Variants in KCND2 observed in about 807,000 individuals in gnomAD.
KCND2 encodes the protein potassium voltage-gated channel subfamily D member 2, also known as A-type voltage-gated potassium channel KCND2.
In KCND2, 16 loss-of-function variants were observed where a neutral mutation model predicts 54.4. The ratio of observed to expected loss-of-function variants is 0.29; its 90% CI spans 0.20 to 0.45. The LOEUF is 0.45. Among genes scored for constraint, KCND2 ranks in the 20% least tolerant of loss-of-function variants. The pLI is 1.00. For missense variants in KCND2, 486 were observed against 824.2 expected (o/e 0.59, Z 5.02); for synonymous variants, 317 against 310.7 (o/e 1.02, Z -0.21).
At chr7:120,730,584 T>G (rs1222902506) in intron 1 of KCND2, among the ~76,000 whole-genome samples, 1 of 152,230 alleles carries the variant, frequency 6.6e-6, no homozygotes, top group Non-Finnish European at 1.5e-5. Flanking sequence ...TCTTAGGTTA[T>G]TATTTTTGTA....
At chr7:120,437,639 T>A (rs930877226) in intron 1 of KCND2, among the ~76,000 whole-genome samples, 2 of 152,218 alleles carry the variant, frequency 1.3e-5, no homozygotes, top group Non-Finnish European at 2.9e-5. Flanking sequence ...GGTAGTCAGA[T>A]AAAATTAATT....
chr7:120,275,814 G>A (rs73722544), intron 1 of KCND2, 67 bp downstream of exon 1: 27 of 1,514,902 alleles, frequency 1.8e-5, no homozygotes, highest in South Asian at 2.3e-5. Flanking sequence ...ACCCATCGAG[G>A]TTACATGGTA....
chr7:120,666,163 A>T (rs1189102996), intron 1 of KCND2, among the ~76,000 whole-genome samples: 1 of 152,060 alleles, frequency 6.6e-6, no homozygotes, highest in Non-Finnish European at 1.5e-5. Flanking sequence ...TACATCATGG[A>T]TCAATCTGGT....
At position 120,345,198 on chromosome 7, in the gene KCND2, G is replaced by T. The variant is rs528742412; in HGVS notation, c.1115+69451G>T. On this transcript the variant is annotated intron_variant, in intron 1 of 5. Coordinates refer to ENST00000331113, the MANE Select transcript of KCND2 (RefSeq NM_012281.3). ...AGAGAGCCAAAACAATATAGTCCAG[G>T]TGCCTAAAATGTAGGATAACTTGTT... 2.6e-5 allele frequency among the ~76,000 whole-genome samples: 4 copies of T among 152,178 alleles called. No homozygotes were observed. The South Asian group carries it at 6.2e-4, about 24-fold the overall frequency.
intron 1 of KCND2, among the ~76,000 whole-genome samples, chr7:120,344,375 C>T (rs1242145081): frequency 6.6e-6 from 1 of 152,084 alleles, no homozygotes; most frequent in Non-Finnish European, 1.5e-5. Context: ...ATGTGGGAAA[C>T]ATTATTCGTG....
chr7:120,615,395 G>A (rs541230168), intron 1 of KCND2, among the ~76,000 whole-genome samples: 8 of 152,198 alleles, frequency 5.3e-5, no homozygotes, highest in South Asian at 4.1e-4. Flanking sequence ...CTAATTATAA[G>A]ACAATTTCAC....
At chr7:120,484,308 A>C (rs1316331334) in intron 1 of KCND2, among the ~76,000 whole-genome samples, 3 of 152,064 alleles carry the variant, frequency 2.0e-5, no homozygotes, top group Non-Finnish European at 4.4e-5. Flanking sequence ...GGTGCATGAC[A>C]CTGTTCCCAG....
At chr7:120,298,947 C>G (rs992444679) in intron 1 of KCND2, among the ~76,000 whole-genome samples, 1 of 152,158 alleles carries the variant, frequency 6.6e-6, no homozygotes, top group African/African-American at 2.4e-5. Flanking sequence ...CACCTGAGGT[C>G]AGGAGTTCGA....
intron 1 of KCND2, among the ~76,000 whole-genome samples, chr7:120,313,989 T>A (rs1048482150): frequency 1.3e-5 from 2 of 151,600 alleles, no homozygotes; most frequent in African/African-American, 4.8e-5. Flanking sequence ...AGCTTCTACT[T>A]GCTTCAAAAA....
At chr7:120,513,251 T>G (rs1435320408) in intron 1 of KCND2, among the ~76,000 whole-genome samples, 1 of 152,182 alleles carries the variant, frequency 6.6e-6, no homozygotes, top group African/African-American at 2.4e-5. Flanking sequence ...CATATGTACC[T>G]GAAGCATGTT....
intron 1 of KCND2, among the ~76,000 whole-genome samples, chr7:120,466,356 G>C (rs530388342): frequency 6.6e-6 from 1 of 152,202 alleles, no homozygotes; most frequent in East Asian, 1.9e-4. Context: ...GAGTAATACT[G>C]TTCACAGGAT....
intron 1 of KCND2, among the ~76,000 whole-genome samples, chr7:120,520,937 A>C (rs1360762446): frequency 6.6e-6 from 1 of 152,136 alleles, no homozygotes; most frequent in Non-Finnish European, 1.5e-5. Flanking sequence ...CATTGTCTCT[A>C]ATGAGACAAA....
intron 1 of KCND2, among the ~76,000 whole-genome samples, chr7:120,552,467 A>G (rs1286083222): frequency 1.3e-5 from 2 of 152,224 alleles, no homozygotes; most frequent in African/African-American, 4.8e-5. Flanking sequence ...TATGAGTTTT[A>G]TGTGACATGG....
intron 1 of KCND2, among the ~76,000 whole-genome samples, chr7:120,364,429 T>A (rs1447552212): frequency 6.6e-6 from 1 of 152,126 alleles, no homozygotes; most frequent in Non-Finnish European, 1.5e-5. Flanking sequence ...GAGGCATAAT[T>A]TATGGACATA....
chr7:120,461,237 A>T (rs1802279952), intron 1 of KCND2, among the ~76,000 whole-genome samples: 1 of 152,178 alleles, frequency 6.6e-6, no homozygotes, highest in Non-Finnish European at 1.5e-5. Flanking sequence ...GATCGCAGAT[A>T]ATTAGCATTG....
intron 1 of KCND2, among the ~76,000 whole-genome samples, chr7:120,686,162 G>A (rs999669747): frequency 3.3e-5 from 5 of 152,106 alleles, no homozygotes; most frequent in South Asian, 2.1e-4. Context: ...AATGGTAAAT[G>A]GATATTTAGA....
intron 1 of KCND2, among the ~76,000 whole-genome samples, chr7:120,565,922 G>T (rs1417052068): frequency 6.6e-6 from 1 of 152,100 alleles, no homozygotes; most frequent in Non-Finnish European, 1.5e-5. Flanking sequence ...TTACATAATT[G>T]TTTTCTGATT....
chr7:120,665,465 TTTACC>T (rs957944924), intron 1 of KCND2, among the ~76,000 whole-genome samples: 1 of 152,030 alleles, frequency 6.6e-6, no homozygotes, highest in African/African-American at 2.4e-5. Context: ...CTAGTTTTAT[TTTACC>T]GAGTTGAATA....
chr7:120,628,855 C>G (rs1793192967), intron 1 of KCND2, among the ~76,000 whole-genome samples: 1 of 152,134 alleles, frequency 6.6e-6, no homozygotes, highest in Non-Finnish European at 1.5e-5. Context: ...TGAATTAATT[C>G]AATAAATTTT....
Sources: gnomAD v4.1 joint callset for allele counts (sites outside exome capture counted in the v4.1 genomes callset) on GRCh38, gnomAD v4.1.1 for gene constraint, MANE v1.5 for transcripts, NCBI Gene and HGNC (gene_info 2026-07-23, HGNC 2026-07-21) for gene names.